The following CA5A variants were observed in gnomAD, a reference collection of about 807,000 sequenced individuals.
The protein encoded by CA5A is carbonic anhydrase 5A, mitochondrial.
Under a neutral mutation model 37.1 loss-of-function variants are expected in CA5A, and 28 were observed. The ratio of observed to expected loss-of-function variants is 0.75; its 90% CI spans 0.56 to 1.03. The LOEUF (loss-of-function observed/expected upper bound fraction) is 1.03. CA5A is among the 50% of genes least tolerant of loss of function. The probability of loss-of-function intolerance (pLI) is 0.00; values close to 1 mark genes in which losing one functional copy is unlikely to be tolerated. For missense variants in CA5A, 444 were observed against 399.9 expected (o/e 1.11, Z -0.94); for synonymous variants, 171 against 158.4 (o/e 1.08, Z -0.60).
At chr16:87,931,593 T>C (rs1332290013) in intron 1 of CA5A, among the ~76,000 whole-genome samples, 1 of 152,188 alleles carries the variant, frequency 6.6e-6, no homozygotes. Context: ...TCACAGCAGC[T>C]TTGCTGAGAA....
chr16:87,894,044 C>A (rs1350549661), intron 5 of CA5A, among the ~76,000 whole-genome samples: 3 of 152,244 alleles, frequency 2.0e-5, no homozygotes, highest in Non-Finnish European at 4.4e-5. Context: ...CAGGCATAAG[C>A]CACTGTGCCC....
At chr16:87,923,952 G>A (rs2056265721) in intron 2 of CA5A, 7 of 984,996 alleles carry the variant, frequency 7.1e-6, no homozygotes, top group Middle Eastern at 5.2e-4. Context: ...GTGGCTGCAT[G>A]AAGAATTTTT....
intron 2 of CA5A, among the ~76,000 whole-genome samples, chr16:87,919,668 G>A (rs2056203879): frequency 6.6e-6 from 1 of 152,160 alleles, no homozygotes; most frequent in Non-Finnish European, 1.5e-5. Flanking sequence ...CTCCCTCTTT[G>A]CTTAAGCCAC....
chr16:87,918,735 TTC>T (rs141476971), intron 2 of CA5A, among the ~76,000 whole-genome samples: 1,890 of 152,304 alleles, frequency 0.012, 40 homozygotes, highest in African/African-American at 0.043. Context: ...CATCTCATTC[TTC>T]TCTGTTTCTC....
intron 2 of CA5A, among the ~76,000 whole-genome samples, chr16:87,923,313 C>T (rs1172958772): frequency 3.3e-5 from 5 of 152,162 alleles, no homozygotes; most frequent in Admixed American, 3.3e-4. Flanking sequence ...CTCAGTCCCC[C>T]GAGGAACTGG....
At chr16:87,886,826 G>A (rs1198435209), downstream of CA5A, 2 of 152,152 alleles carry the variant, frequency 1.3e-5, no homozygotes, top group African/African-American at 2.4e-5. Context: ...TTCTAGACAC[G>A]CTATTCTTTT....
At chr16:87,920,510 A>G (rs534331522) in intron 2 of CA5A, among the ~76,000 whole-genome samples, 1 of 151,876 alleles carries the variant, frequency 6.6e-6, no homozygotes, top group Admixed American at 6.6e-5. Context: ...GGGTTTCACC[A>G]TGTTGGCCAG....
At chr16:87,913,973 G>T (rs2056091474) in intron 2 of CA5A, among the ~76,000 whole-genome samples, 1 of 152,244 alleles carries the variant, frequency 6.6e-6, no homozygotes, top group South Asian at 2.1e-4. Flanking sequence ...AGCGGCGGCA[G>T]CGCGTTCATC....
intron 3 of CA5A, among the ~76,000 whole-genome samples, chr16:87,902,913 CAAA>C (rs111457269): frequency 4.4e-5 from 5 of 113,682 alleles, no homozygotes; most frequent in Admixed American, 9.6e-5. Flanking sequence ...CTCCATCTCA[CAAA>C]AAAAAAAAAA....
intron 3 of CA5A, 125 bp downstream of exon 3, chr16:87,904,661 T>C (rs1463397547): frequency 7.8e-6 from 5 of 637,064 alleles, no homozygotes; most frequent in South Asian, 2.2e-5. Flanking sequence ...GTTTGAGCAC[T>C]GACAGTCCCA....
chr16:87,888,501 A>T (rs1216209602), intron 6 of CA5A, among the ~76,000 whole-genome samples: 3 of 152,090 alleles, frequency 2.0e-5, no homozygotes, highest in East Asian at 3.9e-4. Flanking sequence ...TGGTCGCCAT[A>T]TTGGGAGGGT....
At chr16:87,885,338 T>A (rs2055640331), downstream of CA5A, 1 of 152,276 alleles carries the variant, frequency 6.6e-6, no homozygotes, top group Admixed American at 6.6e-5. Flanking sequence ...AAGAGAAAAA[T>A]GGGCAAATGG....
chr16:87,888,051 C>G lies in CA5A; in HGVS notation c.*78G>C. The stretch of plus-strand genomic sequence containing the variant: ...TCTTTTTAATTTCAGAAGTCATGTA[C>G]AATCACATTGTGAAACTTGGGAAAC... On this transcript the variant is annotated 3_prime_UTR_variant, in exon 7 of 7. Coordinates refer to ENST00000649794, the MANE Select transcript of CA5A (RefSeq NM_001739.2). 6.6e-7 allele frequency: 1 copy of G among 1,513,216 alleles called. No individual in the cohort carries two copies. Among genetic ancestry groups the G allele is most frequent in the Non-Finnish European group, 8.9e-7 (1 of 1,127,034 alleles). The allele number at this position is 1,513,216 out of a possible 1,614,324, so 93.7% of individuals were successfully genotyped here.
intron 5 of CA5A, among the ~76,000 whole-genome samples, chr16:87,897,727 G>T (rs914551442): frequency 6.6e-6 from 1 of 152,212 alleles, no homozygotes; most frequent in African/African-American, 2.4e-5. Context: ...TTTAAAAACG[G>T]GCTCTTCACC....
intron 1 of CA5A, among the ~76,000 whole-genome samples, chr16:87,930,804 G>A (rs1187060877): frequency 1.2e-4 from 18 of 149,152 alleles, no homozygotes; most frequent in African/African-American, 3.5e-4. Flanking sequence ...GCAGTGACGC[G>A]ATCTCAGCTC....
At chr16:87,900,527 C>T (rs1312036187) in intron 5 of CA5A, among the ~76,000 whole-genome samples, 1 of 152,256 alleles carries the variant, frequency 6.6e-6, no homozygotes, top group East Asian at 1.9e-4. Context: ...GTGAGGCTTG[C>T]GTTGACTCCT....
At chr16:87,904,275 G>T (rs2055924430) in intron 3 of CA5A, among the ~76,000 whole-genome samples, 3 of 152,026 alleles carry the variant, frequency 2.0e-5, no homozygotes, top group African/African-American at 4.8e-5. Flanking sequence ...CTGGGAGACG[G>T]AGGTTGTGGT....
chr16:87,905,344 A>T (rs1409821218), intron 2 of CA5A, among the ~76,000 whole-genome samples: 1 of 152,214 alleles, frequency 6.6e-6, no homozygotes, highest in African/African-American at 2.4e-5. Flanking sequence ...CACAATGAGC[A>T]AAGTTTTTGT....
chr16:87,917,879 A>C (rs2056176845), intron 2 of CA5A, among the ~76,000 whole-genome samples: 1 of 152,234 alleles, frequency 6.6e-6, no homozygotes, highest in Non-Finnish European at 1.5e-5. Context: ...CTAGACTGCC[A>C]GTTTATGAAC....
Sources: allele counts gnomAD v4.1 joint callset (sites outside exome capture counted in the v4.1 genomes callset), GRCh38; gene constraint gnomAD v4.1.1; transcripts MANE v1.5; gene names NCBI Gene and HGNC (gene_info 2026-07-23, HGNC 2026-07-21).